Variants in LSAMP observed in about 807,000 individuals in gnomAD.
LSAMP encodes limbic system associated membrane protein.
A neutral mutation model predicts 38.6 loss-of-function variants in LSAMP; 7 were observed. That is an observed-to-expected ratio of 0.18 (90% CI 0.10 to 0.34). The LOEUF (loss-of-function observed/expected upper bound fraction) is 0.34, where lower values mean the gene tolerates loss of function less well. Among genes scored for constraint, LSAMP ranks in the 10% least tolerant of loss-of-function variants. The pLI, the probability that LSAMP is intolerant of heterozygous loss-of-function variation, is 1.00. For synonymous variants in LSAMP, 154 were observed against 166.8 expected (o/e 0.92, Z 0.59); for missense variants, 313 against 420.0 (o/e 0.75, Z 2.23).
intron 1 of LSAMP, among the ~76,000 whole-genome samples, chr3:116,181,487 TTATGTC>T (rs1207741645): frequency 6.6e-6 from 1 of 152,056 alleles, no homozygotes; most frequent in Non-Finnish European, 1.5e-5. Flanking sequence ...CACAGGAAGT[TTATGTC>T]TATAATGACT....
intron 2 of LSAMP, among the ~76,000 whole-genome samples, chr3:116,068,776 C>G (rs1707524443): frequency 6.6e-6 from 1 of 152,188 alleles, no homozygotes; most frequent in Non-Finnish European, 1.5e-5. Flanking sequence ...GATATTCATT[C>G]ATTACCAAGT....
chr3:116,284,373 C>CTTT (rs2047167044), intron 1 of LSAMP, among the ~76,000 whole-genome samples: 1 of 152,010 alleles, frequency 6.6e-6, no homozygotes, highest in Admixed American at 6.6e-5. Flanking sequence ...TTTTGTGATT[C>CTTT]TTTTTTAAAA....
intron 3 of LSAMP, among the ~76,000 whole-genome samples, chr3:115,965,475 A>C (rs1938772715): frequency 6.6e-6 from 1 of 151,976 alleles, no homozygotes; most frequent in Non-Finnish European, 1.5e-5. Flanking sequence ...CTCAAATAAG[A>C]TACAAAAAGT....
intron 3 of LSAMP, among the ~76,000 whole-genome samples, chr3:115,901,226 C>T (rs1427281135): frequency 6.6e-6 from 1 of 152,028 alleles, no homozygotes; most frequent in Non-Finnish European, 1.5e-5. Context: ...CCAAGAGCAA[C>T]TTACATAATC....
At chr3:116,276,680 AAAAG>A (rs1363885078) in intron 1 of LSAMP, among the ~76,000 whole-genome samples, 14 of 135,472 alleles carry the variant, frequency 1.0e-4, no homozygotes, top group African/African-American at 2.3e-4. Flanking sequence ...AAAATAAAAA[AAAAG>A]AAAAAAAAAA....
intron 1 of LSAMP, among the ~76,000 whole-genome samples, chr3:116,209,251 C>G (rs13079362): frequency 1.3e-5 from 2 of 152,222 alleles, no homozygotes; most frequent in African/African-American, 4.8e-5. Flanking sequence ...CCTCGCCCTG[C>G]TTTGGCTCGC....
rs1282968396 is a variant in LSAMP, at chr3:115,832,416, A to G, written c.919+9429T>C. 2.3e-4 allele frequency among the ~76,000 whole-genome samples: 35 copies of G among 152,222 alleles called. 1 individual carries two copies. Among genetic ancestry groups the G allele is most frequent in the Admixed American group, 2.0e-3 (31 of 15,278 alleles). The stretch of plus-strand genomic sequence containing the variant: ...CATAAAGATGGTGACAATATATGAT[A>G]TTCAATTAAATGAAGATACCTTGCA... On this transcript the variant is annotated intron_variant, in intron 6 of 6. Coordinates refer to ENST00000490035, the MANE Select transcript of LSAMP (RefSeq NM_002338.5).
At chr3:116,302,421 C>T (rs573752617) in intron 1 of LSAMP, among the ~76,000 whole-genome samples, 5 of 152,224 alleles carry the variant, frequency 3.3e-5, no homozygotes, top group African/African-American at 4.8e-5. Context: ...TTACTTAGAA[C>T]GGTAATCACC....
At chr3:115,931,758 A>T (rs1401807780) in intron 3 of LSAMP, among the ~76,000 whole-genome samples, 4 of 152,220 alleles carry the variant, frequency 2.6e-5, no homozygotes, top group Non-Finnish European at 5.9e-5. Flanking sequence ...TATCTTATTA[A>T]CAGTAATCCC....
intron 1 of LSAMP, among the ~76,000 whole-genome samples, chr3:116,176,056 C>T (rs997567636): frequency 1.3e-5 from 2 of 152,034 alleles, no homozygotes; most frequent in African/African-American, 4.8e-5. Flanking sequence ...ACACAATATC[C>T]CTGGTAAGAA....
At chr3:116,266,536 T>C (rs1022580513) in intron 1 of LSAMP, among the ~76,000 whole-genome samples, 3 of 152,018 alleles carry the variant, frequency 2.0e-5, no homozygotes, top group Admixed American at 2.0e-4. Context: ...GTTCAATAAA[T>C]AGGGAACTTT....
intron 3 of LSAMP, among the ~76,000 whole-genome samples, chr3:115,858,135 A>ATCTCTCTCTCTC (rs67994060): frequency 6.9e-6 from 1 of 144,046 alleles, no homozygotes; most frequent in Non-Finnish European, 1.5e-5. Context: ...CCGTCCTCCC[A>ATCTCTCTCTCTC]TCTCTCTCTC....
At chr3:116,129,082 C>A (rs1203562618) in intron 1 of LSAMP, among the ~76,000 whole-genome samples, 2 of 152,124 alleles carry the variant, frequency 1.3e-5, no homozygotes, top group African/African-American at 2.4e-5. Flanking sequence ...ACTATATTTA[C>A]ATTAAATTTA....
intron 3 of LSAMP, among the ~76,000 whole-genome samples, chr3:115,931,622 G>T (rs994943815): frequency 6.6e-6 from 1 of 152,130 alleles, no homozygotes; most frequent in Non-Finnish European, 1.5e-5. Flanking sequence ...CTATGGAAAA[G>T]ATCTCTCATG....
At chr3:115,841,269 T>A (rs1238899107) in intron 6 of LSAMP, among the ~76,000 whole-genome samples, 10 of 152,238 alleles carry the variant, frequency 6.6e-5, no homozygotes, top group Admixed American at 6.5e-4. Context: ...AGAAAAGTAA[T>A]GTCTCTTACT....
At chr3:116,284,592 CTA>C (rs1353933736) in intron 1 of LSAMP, among the ~76,000 whole-genome samples, 2 of 152,152 alleles carry the variant, frequency 1.3e-5, no homozygotes, top group African/African-American at 4.8e-5. Context: ...GGTGAAATCT[CTA>C]TGTTTCACCC....
intron 6 of LSAMP, among the ~76,000 whole-genome samples, chr3:115,821,127 T>A (rs1326243464): frequency 1.3e-5 from 2 of 152,070 alleles, no homozygotes; most frequent in South Asian, 4.1e-4. Context: ...TTTCTCTGTC[T>A]CTCTCTCTCC....
chr3:116,270,720 G>C (rs188285493), intron 1 of LSAMP, among the ~76,000 whole-genome samples: 2 of 152,120 alleles, frequency 1.3e-5, no homozygotes, highest in Non-Finnish European at 2.9e-5. Context: ...CTTTTCTAAG[G>C]GCTCCCTGTT....
chr3:116,021,068 T>G (rs567833876), intron 2 of LSAMP, among the ~76,000 whole-genome samples: 2 of 152,260 alleles, frequency 1.3e-5, no homozygotes, highest in South Asian at 4.2e-4. Flanking sequence ...GGAAGCAGGA[T>G]GAGGACCCTC....
Sources: gnomAD v4.1 joint callset for allele counts (sites outside exome capture counted in the v4.1 genomes callset) on GRCh38, gnomAD v4.1.1 for gene constraint, MANE v1.5 for transcripts, NCBI Gene and HGNC (gene_info 2026-07-23, HGNC 2026-07-21) for gene names.